Variants in RALA observed in about 807,000 individuals in gnomAD.
RALA encodes the protein ras-related protein Ral-A.
A neutral mutation model predicts 24.0 loss-of-function variants in RALA; 5 were observed. The observed-to-expected ratio is 0.21, with a 90% CI of 0.11 to 0.44. The LOEUF (loss-of-function observed/expected upper bound fraction) is 0.44. Among genes scored for constraint, RALA ranks in the 20% least tolerant of loss-of-function variants. The pLI is 0.99. For synonymous variants in RALA, 77 were observed against 83.8 expected (o/e 0.92, Z 0.44); for missense variants, 95 against 241.2 (o/e 0.39, Z 4.01).
At chr7:39,687,398 G>A (rs556218705) in intron 2 of RALA, among the ~76,000 whole-genome samples, 2 of 151,574 alleles carry the variant, frequency 1.3e-5, no homozygotes, top group African/African-American at 4.8e-5. Flanking sequence ...CTGCACTCCA[G>A]CCTGGGCGAC....
In RALA at chr7:39,706,454, T is replaced by A; in HGVS notation, c.*209T>A. Reference sequence around the variant, plus strand: ...CACCAAGAAGCAAAGTTCAACTTATTTCATAATTGCCTACATTTATCATGG... The same window carrying A: ...CACCAAGAAGCAAAGTTCAACTTATATCATAATTGCCTACATTTATCATGG... On this transcript the variant is annotated 3_prime_UTR_variant, in exon 5 of 5. Coordinates refer to ENST00000005257, the MANE Select transcript of RALA (RefSeq NM_005402.4). 2.0e-6 allele frequency: 1 copy of A among 492,156 alleles called. No individual in the cohort carries two copies. The highest frequency in any genetic ancestry group is 2.0e-5 in the African/African-American group (1 of 49,936). The allele number at this position is 492,156 out of a possible 1,614,324, so 30.5% of individuals were successfully genotyped here.
intron 1 of RALA, among the ~76,000 whole-genome samples, chr7:39,640,618 C>T (rs1791796346): frequency 6.6e-6 from 1 of 152,088 alleles, no homozygotes; most frequent in African/African-American, 2.4e-5. Context: ...GACCATGAGC[C>T]TTTCTTAATG....
chr7:39,648,842 T>G (rs1791972383), intron 1 of RALA, among the ~76,000 whole-genome samples: 1 of 152,066 alleles, frequency 6.6e-6, no homozygotes, highest in Non-Finnish European at 1.5e-5. Flanking sequence ...AGCGGATCAC[T>G]TGAGCCCAAG....
chr7:39,649,740 A>G (rs969351111), intron 1 of RALA, among the ~76,000 whole-genome samples: 2 of 152,222 alleles, frequency 1.3e-5, no homozygotes, highest in Admixed American at 1.3e-4. Context: ...AAGTGAACTC[A>G]TGAAAGGAAT....
At chr7:39,658,872 C>T (rs528985079) in intron 1 of RALA, among the ~76,000 whole-genome samples, 4 of 151,988 alleles carry the variant, frequency 2.6e-5, no homozygotes, top group Middle Eastern at 6.8e-3. Context: ...CGTGCGCCAC[C>T]GAGCCTGCCT....
At chr7:39,638,333 C>T (rs1791721167) in intron 1 of RALA, among the ~76,000 whole-genome samples, 1 of 152,066 alleles carries the variant, frequency 6.6e-6, no homozygotes, top group East Asian at 1.9e-4. Context: ...ATAAATTTGC[C>T]CTTTCCGGAT....
At chr7:39,667,195 A>G (rs1009032096) in intron 1 of RALA, among the ~76,000 whole-genome samples, 2 of 152,230 alleles carry the variant, frequency 1.3e-5, no homozygotes, top group African/African-American at 4.8e-5. Context: ...ATTTTAATTG[A>G]ATGTCTTGGA....
In RALA at chr7:39,706,499, G is replaced by C. The variant is rs1293382913; in HGVS notation, c.*254G>C. ...TCATGGTCCTGAATGTAGCGTGTAA[G>C]CTTGTGTTTCTTGGGCAGTCTTTCT... On this transcript the variant is annotated 3_prime_UTR_variant, in exon 5 of 5. Transcript: ENST00000005257. The C allele has an allele frequency of 3.3e-6, 1 of 299,854 alleles. No homozygotes were observed. Among genetic ancestry groups the C allele is most frequent in the Admixed American group, 5.3e-5 (1 of 18,910 alleles). The allele number at this position is 299,854 out of a possible 1,614,324, so 18.6% of individuals were successfully genotyped here.
intron 2 of RALA, among the ~76,000 whole-genome samples, chr7:39,687,967 G>C (rs916152613): frequency 1.3e-5 from 2 of 151,912 alleles, no homozygotes; most frequent in Non-Finnish European, 2.9e-5. Context: ...ATAGAGACCA[G>C]GTTCTCACTC....
chr7:39,624,773 A>T (rs35174309), intron 1 of RALA, among the ~76,000 whole-genome samples: 1 of 152,194 alleles, frequency 6.6e-6, no homozygotes, highest in African/African-American at 2.4e-5. Flanking sequence ...TGGGGGGGGA[A>T]CAACCTTTAT....
At chr7:39,701,285 C>T (rs1380691677) in intron 4 of RALA, among the ~76,000 whole-genome samples, 3 of 152,186 alleles carry the variant, frequency 2.0e-5, no homozygotes, top group Non-Finnish European at 4.4e-5. Flanking sequence ...CCGAGGCAGG[C>T]AGATTACTTG....
rs778267089 is a variant in RALA, at chr7:39,690,465, C to T, written c.198C>T (p.Ile66=). 1 of 1,614,046 alleles carries T rather than the reference C, an allele frequency of 6.2e-7. No homozygotes were observed. The highest frequency in any genetic ancestry group is 8.5e-7 in the Non-Finnish European group (1 of 1,179,938). Residue 66 remains isoleucine (I), a synonymous_variant, in exon 3 of 5, where the codon ATC becomes ATT. Transcript: ENST00000005257. The part of the protein sequence containing the change: ...VLDGEEVQID[I]LDTAGQEDYA... ...ATGGGGAGGAAGTCCAGATCGATAT[C>T]TTAGATACAGCTGGGCAGGAGGACT...
chr7:39,659,039 G>A (rs1242863550), intron 1 of RALA, among the ~76,000 whole-genome samples: 2 of 152,108 alleles, frequency 1.3e-5, no homozygotes, highest in Non-Finnish European at 2.9e-5. Context: ...CTGCGCTTTG[G>A]GAGGCCGAGG....
chr7:39,679,681 T>C lies in RALA; in HGVS notation c.-37-6950T>C, dbSNP rs188016844. 2.1e-3 allele frequency among the ~76,000 whole-genome samples: 327 copies of C among 152,286 alleles called. 1 individual carries two copies. The highest frequency in any genetic ancestry group is 6.8e-3 in the Middle Eastern group (2 of 294). The stretch of plus-strand genomic sequence containing the variant: ...GAATTGCAAATGTTTTCCACAGTTT[T>C]ATCTTTTTACTTTGCTTCTAGAAGA... On this transcript the variant is annotated intron_variant, in intron 1 of 4. Transcript: ENST00000005257.
chr7:39,674,091 G>A (rs1037787444), intron 1 of RALA, among the ~76,000 whole-genome samples: 6 of 138,604 alleles, frequency 4.3e-5, no homozygotes, highest in East Asian at 2.1e-4. Flanking sequence ...ATAAATAAAA[G>A]GTTGAGGGGG....
chr7:39,700,500 TC>T (rs1317396379), intron 4 of RALA: 16 of 152,418 alleles, frequency 1.0e-4, no homozygotes, highest in African/African-American at 3.8e-4. Context: ...GGGCAGAGTC[TC>T]CAAGGGCAAG....
At chr7:39,669,793 G>A (rs1271840536) in intron 1 of RALA, among the ~76,000 whole-genome samples, 2 of 146,350 alleles carry the variant, frequency 1.4e-5, no homozygotes, top group African/African-American at 5.1e-5. Flanking sequence ...GTGATAGACC[G>A]AGACTCTGTC....
At chr7:39,703,648 A>G (rs1793067233) in intron 4 of RALA, among the ~76,000 whole-genome samples, 1 of 152,164 alleles carries the variant, frequency 6.6e-6, no homozygotes, top group South Asian at 2.1e-4. Context: ...GTCATTTTTC[A>G]GTGAATAGTT....
Position 39,640,864 on chromosome 7 carries a change from C to T in RALA, c.-38+17039C>T, listed in dbSNP as rs115506309. Among the ~76,000 whole-genome samples, 419 of 152,296 alleles carry T rather than the reference C, an allele frequency of 2.8e-3. 1 individual carries two copies. Among genetic ancestry groups the T allele is most frequent in the Middle Eastern group, 0.01 (3 of 294 alleles). ...TCTTTCAGTTGTAAGAGCCAGAAAT[C>T]CAGTTCAGCAAAACAGAATTTTGCC... On this transcript the variant is annotated intron_variant, in intron 1 of 4. Coordinates refer to ENST00000005257, the MANE Select transcript of RALA (RefSeq NM_005402.4).
Sources: allele counts gnomAD v4.1 joint callset (sites outside exome capture counted in the v4.1 genomes callset), GRCh38; gene constraint gnomAD v4.1.1; transcripts MANE v1.5; gene names NCBI Gene and HGNC (gene_info 2026-07-23, HGNC 2026-07-21).